Variants in JDP2 observed in about 807,000 individuals in gnomAD.
JDP2 encodes the protein Jun dimerization protein 2.
In JDP2, 9 loss-of-function variants were observed where a neutral mutation model predicts 17.1. The ratio of observed to expected loss-of-function variants is 0.53; its 90% CI spans 0.32 to 0.92. The LOEUF (loss-of-function observed/expected upper bound fraction) is 0.92, where lower values mean the gene tolerates loss of function less well. Ranked by LOEUF, JDP2 falls within the 40% of genes least tolerant of loss-of-function variation. The pLI, the probability that JDP2 is intolerant of heterozygous loss-of-function variation, is 0.04. For synonymous variants in JDP2, 107 were observed against 95.6 expected (o/e 1.12, Z -0.69); for missense variants, 179 against 220.0 (o/e 0.81, Z 1.18).
At chr14:75,447,925 C>G (rs1468512382) in intron 2 of JDP2, among the ~76,000 whole-genome samples, 1 of 152,180 alleles carries the variant, frequency 6.6e-6, no homozygotes, top group South Asian at 2.1e-4. Context: ...TCCCAAAGTG[C>G]TGGGATTACA....
intron 2 of JDP2, among the ~76,000 whole-genome samples, chr14:75,442,255 C>T (rs369468862): frequency 2.6e-5 from 4 of 152,132 alleles, no homozygotes; most frequent in South Asian, 4.2e-4. Flanking sequence ...ATTTAAAAGC[C>T]GGGAAATGTG....
At chr14:75,437,677 A>G (rs980839298) in intron 1 of JDP2, among the ~76,000 whole-genome samples, 2 of 152,272 alleles carry the variant, frequency 1.3e-5, no homozygotes, top group Non-Finnish European at 2.9e-5. Flanking sequence ...TAAAAAAGGC[A>G]GACACTTCTG....
Position 75,438,056 on chromosome 14 carries a change from A to G in JDP2, c.136A>G (p.Met46Val), listed in dbSNP as rs1366621462. Residue 46 changes from methionine to valine, a missense_variant, in exon 2 of 4, where the codon ATG (methionine) becomes GTG (valine). Physicochemically the swap from Met to Val is conservative, Grantham distance 21. Transcript: ENST00000651602. The stretch of plus-strand genomic sequence containing the variant: ...CGCTGACATCCGCAACCTCGGGGCC[A>G]TGATTGCACCCTTGCACTTCCTGGA... ...KYADIRNLGA[M>V]IAPLHFLEVK... is the part of the protein sequence containing the mutation. 3.7e-6 allele frequency: 6 copies of G among 1,613,938 alleles called. No individual in the cohort carries two copies. In the Admixed American group the frequency reaches 8.3e-5, roughly 22 times the overall value.
At chr14:75,427,562 T>C (rs1884577573), upstream of JDP2, 1 of 152,838 alleles carries the variant, frequency 6.5e-6, no homozygotes, top group African/African-American at 2.4e-5. This position sits in a 1 kb window ranked among gnomAD's most constrained non-coding sequence, Gnocchi z 4.4. Flanking sequence ...CTGAGGTACA[T>C]GGTTAACACA....
chr14:75,441,013 T>C (rs572857179), intron 2 of JDP2, among the ~76,000 whole-genome samples: 17 of 152,288 alleles, frequency 1.1e-4, no homozygotes, highest in African/African-American at 3.6e-4. Flanking sequence ...TCTGTTGAGC[T>C]GGGGAGGCTG....
At chr14:75,445,223 C>T (rs1286629397) in intron 2 of JDP2, 40 of 985,280 alleles carry the variant, frequency 4.1e-5, no homozygotes, top group Non-Finnish European at 4.6e-5. Context: ...GGCAACCTGG[C>T]CTGAGGTTGG....
At chr14:75,446,621 G>A (rs1237859296) in intron 2 of JDP2, among the ~76,000 whole-genome samples, 1 of 148,684 alleles carries the variant, frequency 6.7e-6, no homozygotes, top group Non-Finnish European at 1.5e-5. Context: ...ATAGAGACAG[G>A]AAGTAGAGCC....
At chr14:75,444,730 C>A in intron 2 of JDP2, among the ~76,000 whole-genome samples, 1 of 152,166 alleles carries the variant, frequency 6.6e-6, no homozygotes, top group Non-Finnish European at 1.5e-5. Flanking sequence ...TGCAGTATGT[C>A]CGTAAATTAC....
rs148180115 is a variant in JDP2 at position 75,457,617 on chromosome 14, T to C, written c.202-3809T>C. 8.2e-3 allele frequency among the ~76,000 whole-genome samples: 1,256 copies of C among 152,324 alleles called. 15 individuals are homozygous for C. Among genetic ancestry groups the C allele is most frequent in the African/African-American group, 0.028 (1,173 of 41,570 alleles). Reference sequence around the variant, plus strand: ...GAGATACCAGCCAAGGTTGGGGGCATGGGTGCAGGAAAGGCCTGGGGCTGG... The same window carrying C: ...GAGATACCAGCCAAGGTTGGGGGCACGGGTGCAGGAAAGGCCTGGGGCTGG... On this transcript the variant is annotated intron_variant, in intron 2 of 3. Coordinates refer to ENST00000651602, the MANE Select transcript of JDP2 (RefSeq NM_001135048.2).
chr14:75,433,492 CCTAA>C (rs1884913375), intron 1 of JDP2, among the ~76,000 whole-genome samples: 1 of 149,900 alleles, frequency 6.7e-6, no homozygotes, highest in Admixed American at 6.7e-5. Flanking sequence ...AATGCAGTGT[CCTAA>C]CTGTGTGCCC....
chr14:75,446,026 A>C (rs1885584476), intron 2 of JDP2, among the ~76,000 whole-genome samples: 1 of 152,240 alleles, frequency 6.6e-6, no homozygotes, highest in African/African-American at 2.4e-5. Flanking sequence ...AAGAAAATAT[A>C]TAAATGGCAA....
At chr14:75,427,684 G>C (rs1482962150), upstream of JDP2, 2 of 153,240 alleles carry the variant, frequency 1.3e-5, no homozygotes, top group East Asian at 1.9e-4. This position sits in a 1 kb window ranked among gnomAD's most constrained non-coding sequence, Gnocchi z 4.4. Flanking sequence ...GGCGGTGCGC[G>C]GGGGGTGCGC....
At chr14:75,447,453 TA>T (rs1048572370) in intron 2 of JDP2, among the ~76,000 whole-genome samples, 1 of 150,484 alleles carries the variant, frequency 6.6e-6, no homozygotes, top group African/African-American at 2.4e-5. Flanking sequence ...TATCTATTAT[TA>T]AAAAAAGGCA....
rs1886847128 is a variant in JDP2, at chr14:75,473,122, G to A, written c.*3647G>A. 1 of 152,258 alleles carries A rather than the reference G, an allele frequency of 6.6e-6. No homozygotes were observed. The highest frequency in any genetic ancestry group is 2.4e-5 in the African/African-American group (1 of 41,464). The allele number at this position is 152,258 out of a possible 1,614,324, so 9.4% of individuals were successfully genotyped here. On this transcript the variant is annotated 3_prime_UTR_variant, in exon 4 of 4. Transcript: ENST00000651602. ...TGGGAGGCCAAGATGGGTGGATCAT[G>A]AGGTCAGAAGATTGAGACCACCCTG... is the stretch of plus-strand genomic sequence containing the variant.
Position 75,438,012 on chromosome 14 carries a change from CTG to C in JDP2, c.95_96del (p.Val32GlyfsTer7). ...ACCGGGCTCCCCAGCTCGGCCCTGA[CTG>C]TGGAGGAGCTGAAATACGCTGACAT... On this transcript the variant is annotated frameshift_variant, in exon 2 of 4. Coordinates refer to ENST00000651602, the MANE Select transcript of JDP2 (RefSeq NM_001135048.2). LOFTEE classifies it high-confidence loss of function. 6.2e-7 allele frequency: 1 copy of C among 1,613,942 alleles called. No individual in the cohort carries two copies. Among genetic ancestry groups the C allele is most frequent in the Non-Finnish European group, 8.5e-7 (1 of 1,179,924 alleles).
chr14:75,439,365 AC>A (rs1024146969), intron 2 of JDP2, among the ~76,000 whole-genome samples: 2 of 152,188 alleles, frequency 1.3e-5, no homozygotes, highest in East Asian at 1.9e-4. Flanking sequence ...AGAAACGCGA[AC>A]CCCCATTTCA....
At chr14:75,449,868 C>T (rs1885772325) in intron 2 of JDP2, among the ~76,000 whole-genome samples, 1 of 152,328 alleles carries the variant, frequency 6.6e-6, no homozygotes, top group South Asian at 2.1e-4. Flanking sequence ...CTTTCCTTAG[C>T]AAAACCGGCT....
chr14:75,445,325 C>T, intron 2 of JDP2: 1 of 985,500 alleles, frequency 1.0e-6, no homozygotes, highest in Non-Finnish European at 1.2e-6. Context: ...GGTTTAGCCA[C>T]CCTTCCAGGT....
chr14:75,455,436 T>C (rs1886058600), intron 2 of JDP2, among the ~76,000 whole-genome samples: 1 of 152,162 alleles, frequency 6.6e-6, no homozygotes, highest in African/African-American at 2.4e-5. Context: ...CGAGATAGTC[T>C]TGTTTGCCTA....
Sources: allele counts gnomAD v4.1 joint callset (sites outside exome capture counted in the v4.1 genomes callset), GRCh38; gene constraint gnomAD v4.1.1; non-coding constraint Gnocchi (gnomAD v3.1); transcripts MANE v1.5; gene names NCBI Gene and HGNC (gene_info 2026-07-23, HGNC 2026-07-21).